CDKL3: variants seen among roughly 807,000 people sequenced by gnomAD.
CDKL3 encodes cyclin dependent kinase like 3.
In CDKL3, 65 loss-of-function variants were observed where a neutral mutation model predicts 69.3. The observed-to-expected ratio is 0.94, with a 90% CI of 0.77 to 1.15. The LOEUF (loss-of-function observed/expected upper bound fraction) is 1.15, where lower values mean the gene tolerates loss of function less well. Ranked by LOEUF, CDKL3 falls within the 50% of genes most tolerant of loss-of-function variation. CDKL3 has a pLI of 0.00. For missense variants in CDKL3, 652 were observed against 689.2 expected (o/e 0.95, Z 0.61); for synonymous variants, 202 against 221.6 (o/e 0.91, Z 0.79).
chr5:134,345,778 T>C (rs995535164), intron 4 of CDKL3, among the ~76,000 whole-genome samples: 1 of 152,182 alleles, frequency 6.6e-6, no homozygotes, highest in South Asian at 2.1e-4. Flanking sequence ...CTTTTGTGAT[T>C]CTTCAATTAC....
chr5:134,347,601 G>A (rs73289856), intron 4 of CDKL3, among the ~76,000 whole-genome samples: 16,675 of 151,200 alleles, frequency 0.11, 1,034 homozygotes, highest in Admixed American at 0.16. Context: ...TGGGCACGGT[G>A]GCTCATGCCT....
At chr5:134,310,796 TTAA>T (rs1310936996) in intron 7 of CDKL3, among the ~76,000 whole-genome samples, 4 of 152,264 alleles carry the variant, frequency 2.6e-5, no homozygotes, top group Non-Finnish European at 5.9e-5. Context: ...CAATGGCACT[TTAA>T]ATATATCATC....
chr5:134,313,363 C>T (rs1284824442), intron 6 of CDKL3, among the ~76,000 whole-genome samples: 1 of 152,206 alleles, frequency 6.6e-6, no homozygotes, highest in African/African-American at 2.4e-5. Flanking sequence ...ACTACAGACA[C>T]ATGCCACCAA....
At chr5:134,311,145 G>A (rs1769371249) in intron 7 of CDKL3, among the ~76,000 whole-genome samples, 1 of 152,212 alleles carries the variant, frequency 6.6e-6, no homozygotes, top group African/African-American at 2.4e-5. Context: ...GTGGGGCACA[G>A]AAGGGCCATA....
rs189260753 is a variant in CDKL3 at position 134,338,488 on chromosome 5, G to A, written c.539+11761C>T. On this transcript the variant is annotated intron_variant, in intron 4 of 12. Coordinates refer to ENST00000265334, the MANE Select transcript of CDKL3 (RefSeq NM_001113575.2). ...GAGAATCACTTGAGGCCAGGAGTTC[G>A]AGACCAGCCTGGCCAATATGGTGAA... Among the ~76,000 whole-genome samples, 150 of 152,014 alleles carry A rather than the reference G, an allele frequency of 9.9e-4. 1 individual carries two copies. In the East Asian group the frequency reaches 0.026, roughly 27 times the overall value.
chr5:134,363,190 T>C (rs1403650572), intron 2 of CDKL3, among the ~76,000 whole-genome samples: 1 of 152,226 alleles, frequency 6.6e-6, no homozygotes, highest in Non-Finnish European at 1.5e-5. Context: ...AATTGCCTTA[T>C]CTATAGTATT....
Position 134,304,832 on chromosome 5 carries a change from A to T in CDKL3, c.1459-265T>A, listed in dbSNP as rs529353371. On this transcript the variant is annotated intron_variant, in intron 10 of 12. Coordinates refer to ENST00000265334, the MANE Select transcript of CDKL3 (RefSeq NM_001113575.2). The stretch of plus-strand genomic sequence containing the variant: ...AACCACAATAATAATAATAATAATA[A>T]TATTATTATTATTATTATTATTTTG... Among the ~76,000 whole-genome samples the T allele has an allele frequency of 5.3e-3, 779 of 146,378 alleles. 3 individuals carry two copies. Among genetic ancestry groups the T allele is most frequent in the East Asian group, 0.013 (64 of 5,114 alleles).
intron 2 of CDKL3, among the ~76,000 whole-genome samples, chr5:134,363,396 T>G (rs1756534294): frequency 6.7e-6 from 1 of 150,020 alleles, no homozygotes; most frequent in African/African-American, 2.5e-5. Context: ...CGGGTTCAAG[T>G]GATTCTCCTG....
downstream of CDKL3, among the ~76,000 whole-genome samples, chr5:134,296,782 T>TACACACAC (rs36097045): frequency 0.051 from 7,242 of 141,488 alleles, 215 homozygotes; most frequent in Admixed American, 0.098. Flanking sequence ...ACCCTGTCTC[T>TACACACAC]ACACACACAC....
intron 6 of CDKL3, among the ~76,000 whole-genome samples, chr5:134,317,035 T>C (rs78048804): frequency 0.13 from 20,407 of 152,138 alleles, 1,640 homozygotes; most frequent in African/African-American, 0.21. Flanking sequence ...GCAAAAGTAA[T>C]TGTGGTTCTT....
intron 4 of CDKL3, among the ~76,000 whole-genome samples, chr5:134,333,736 T>C (rs1173451302): frequency 6.6e-6 from 1 of 152,242 alleles, no homozygotes; most frequent in Admixed American, 6.5e-5. Flanking sequence ...TGAGGATTTT[T>C]GCATCAATGT....
chr5:134,348,050 T>C (rs1026925384), intron 4 of CDKL3, among the ~76,000 whole-genome samples: 1 of 152,182 alleles, frequency 6.6e-6, no homozygotes, highest in African/African-American at 2.4e-5. Flanking sequence ...AAAGGCTAGA[T>C]TAAACTAAAT....
intron 4 of CDKL3, among the ~76,000 whole-genome samples, chr5:134,339,663 T>C (rs1749962388): frequency 6.6e-6 from 1 of 152,200 alleles, no homozygotes; most frequent in Non-Finnish European, 1.5e-5. Flanking sequence ...GGATAGCCCA[T>C]GTGCTGGACC....
At chr5:134,340,687 T>A (rs891390997) in intron 4 of CDKL3, among the ~76,000 whole-genome samples, 6 of 152,122 alleles carry the variant, frequency 3.9e-5, no homozygotes, top group Non-Finnish European at 5.9e-5. Context: ...CAATAAACTT[T>A]TAACAAGTGA....
intron 3 of CDKL3, among the ~76,000 whole-genome samples, chr5:134,351,310 T>C (rs1753253532): frequency 6.6e-6 from 1 of 152,212 alleles, no homozygotes; most frequent in South Asian, 2.1e-4. Context: ...ACTCTCTTTT[T>C]TGTGGGGTGG....
chr5:134,330,718 GA>G (rs56898124), intron 4 of CDKL3, among the ~76,000 whole-genome samples: 23,519 of 149,704 alleles, frequency 0.16, 2,351 homozygotes, highest in African/African-American at 0.28. Context: ...CTGTCTGAAA[GA>G]AAAAAAAACA....
chr5:134,328,748 C>A lies in CDKL3; in HGVS notation c.540-6845G>T, dbSNP rs1775009503. Among the ~76,000 whole-genome samples, 7 of 152,146 alleles carry A rather than the reference C, an allele frequency of 4.6e-5. No individual in the cohort carries two copies. In the South Asian group the frequency reaches 1.5e-3, roughly 32 times the overall value. On this transcript the variant is annotated intron_variant, in intron 4 of 12. Coordinates refer to ENST00000265334, the MANE Select transcript of CDKL3 (RefSeq NM_001113575.2). ...TCATACAAAACGAAAATCTTGAAAGCAGCATGAGAAAAACAAATCATCACT... is the reference window on the plus strand; with the variant it reads ...TCATACAAAACGAAAATCTTGAAAGAAGCATGAGAAAAACAAATCATCACT...
chr5:134,356,662 T>C (rs985403665), intron 3 of CDKL3, among the ~76,000 whole-genome samples: 3 of 152,042 alleles, frequency 2.0e-5, no homozygotes, highest in Admixed American at 2.0e-4. Flanking sequence ...TGGGCACCTA[T>C]AATCCCAGCT....
chr5:134,293,360 A>T (rs1457640269), intron 8 of CDKL3, among the ~76,000 whole-genome samples: 2 of 152,080 alleles, frequency 1.3e-5, no homozygotes, highest in Non-Finnish European at 2.9e-5. Flanking sequence ...GGAGGAAATA[A>T]AATCAATCCT....
Sources: allele counts gnomAD v4.1 joint callset (sites outside exome capture counted in the v4.1 genomes callset), GRCh38; gene constraint gnomAD v4.1.1; transcripts MANE v1.5; gene names NCBI Gene and HGNC (gene_info 2026-07-23, HGNC 2026-07-21).